Variants in CPNE8 observed in about 807,000 individuals in gnomAD.
CPNE8 encodes the protein copine-8.
A neutral mutation model predicts 81.5 loss-of-function variants in CPNE8; 45 were observed. That is an observed-to-expected ratio of 0.55 (90% CI 0.44 to 0.71). The LOEUF is 0.71. CPNE8 is among the 30% of genes least tolerant of loss of function. CPNE8 has a pLI of 0.00. For synonymous variants in CPNE8, 252 were observed against 226.3 expected (o/e 1.11, Z -1.02); for missense variants, 594 against 672.1 (o/e 0.88, Z 1.28).
rs373134526 is a variant in CPNE8 at position 38,844,696 on chromosome 12, TTCTC to T, written c.290+3859_290+3862del. 9.8e-3 allele frequency among the ~76,000 whole-genome samples: 1,489 copies of T among 152,278 alleles called. 19 individuals are homozygous for T. The highest frequency in any genetic ancestry group is 0.039 in the South Asian group (186 of 4,822). On this transcript the variant is annotated intron_variant, in intron 4 of 19. Transcript: ENST00000331366. ...GCAGAAATAAGTTGTCTCTATCTCTTTCTCTCTCTTTTTCTCTCACTGTCGTTAC... is the reference window on the plus strand; with the variant it reads ...GCAGAAATAAGTTGTCTCTATCTCTTTCTCTTTTTCTCTCACTGTCGTTAC...
chr12:38,697,383 A>C (rs1473419085), intron 14 of CPNE8, among the ~76,000 whole-genome samples: 2 of 152,164 alleles, frequency 1.3e-5, no homozygotes, highest in African/African-American at 2.4e-5. Context: ...ATAGTATTCC[A>C]TTGTATGGAT....
intron 13 of CPNE8, among the ~76,000 whole-genome samples, chr12:38,707,692 C>A (rs555846554): frequency 6.6e-6 from 1 of 152,288 alleles, no homozygotes; most frequent in South Asian, 2.1e-4. Context: ...TTGATTAATT[C>A]TTTGTCTCAT....
chr12:38,785,262 T>G (rs1163760500), intron 6 of CPNE8, among the ~76,000 whole-genome samples: 5 of 151,306 alleles, frequency 3.3e-5, no homozygotes, highest in African/African-American at 1.2e-4. Context: ...ACTGACTCAC[T>G]GATAGTAGCA....
At chr12:38,665,518 A>C (rs1371085532) in intron 19 of CPNE8, among the ~76,000 whole-genome samples, 1 of 152,044 alleles carries the variant, frequency 6.6e-6, no homozygotes, top group African/African-American at 2.4e-5. Flanking sequence ...GTTTGAATTC[A>C]TTTGGGCAAA....
At chr12:38,684,353 A>G (rs1366677801) in intron 16 of CPNE8, among the ~76,000 whole-genome samples, 1 of 152,140 alleles carries the variant, frequency 6.6e-6, no homozygotes, top group African/African-American at 2.4e-5. Flanking sequence ...ATAAAGATAA[A>G]ACAGGTAAGA....
intron 6 of CPNE8, among the ~76,000 whole-genome samples, chr12:38,809,482 C>T (rs1350951879): frequency 6.6e-6 from 1 of 152,146 alleles, no homozygotes; most frequent in East Asian, 1.9e-4. Context: ...AGCTAATTAG[C>T]ATGATTAGTA....
At chr12:38,715,562 G>A (rs375579621) in intron 13 of CPNE8, among the ~76,000 whole-genome samples, 19 of 152,010 alleles carry the variant, frequency 1.2e-4, no homozygotes, top group African/African-American at 4.3e-4. Flanking sequence ...CTCAATAGAT[G>A]CAGAAAAGGC....
chr12:38,760,948 T>G, intron 9 of CPNE8, 60 bp from the exon 10 acceptor site: 1 of 1,233,360 alleles, frequency 8.1e-7, no homozygotes, highest in Non-Finnish European at 1.1e-6. Flanking sequence ...AATGTATGGT[T>G]GAGAATTTAA....
intron 1 of CPNE8, among the ~76,000 whole-genome samples, chr12:38,900,819 G>A (rs921264131): frequency 1.3e-5 from 2 of 152,328 alleles, no homozygotes; most frequent in Admixed American, 1.3e-4. Context: ...GATGGGAGAT[G>A]AGGCAATAGA....
In CPNE8 at chr12:38,873,034, T is replaced by C. The variant is rs1454589987; in HGVS notation, c.156A>G (p.Val52=). The C allele has an allele frequency of 1.3e-6, 2 of 1,556,512 alleles. No individual in the cohort carries two copies. The highest frequency in any genetic ancestry group is 2.3e-5 in the East Asian group (1 of 44,246). ...SKSDPICVLY[V]QGVGNKEWRE... is the part of the protein sequence containing the mutation. Reference sequence around the variant, plus strand: ...TCCATTCTTTATTTCCAACTCCTTGTACATATAAGACACAAACTACAAAAG... The same window carrying C: ...TCCATTCTTTATTTCCAACTCCTTGCACATATAAGACACAAACTACAAAAG... The change falls in exon 3 of 20, where the codon GTA becomes GTG. Residue 52 remains valine (V), a synonymous_variant. Transcript: ENST00000331366.
chr12:38,800,133 C>T (rs955699738), intron 6 of CPNE8, among the ~76,000 whole-genome samples: 2 of 121,786 alleles, frequency 1.6e-5, no homozygotes, highest in Non-Finnish European at 1.9e-5. Context: ...AGCCAGGAAG[C>T]TCGAACTGGG....
intron 6 of CPNE8, among the ~76,000 whole-genome samples, chr12:38,797,414 C>A (rs532823233): frequency 6.6e-6 from 1 of 152,170 alleles, no homozygotes; most frequent in Non-Finnish European, 1.5e-5. Flanking sequence ...TCTGCAGACA[C>A]GGCTGCGGAT....
intron 6 of CPNE8, among the ~76,000 whole-genome samples, chr12:38,827,467 T>C (rs982109950): frequency 3.9e-5 from 6 of 152,184 alleles, no homozygotes; most frequent in Non-Finnish European, 7.3e-5. Context: ...AATCCCATTA[T>C]TGGGTACATA....
At chr12:38,856,223 T>C (rs1400281837) in intron 3 of CPNE8, among the ~76,000 whole-genome samples, 2 of 152,102 alleles carry the variant, frequency 1.3e-5, no homozygotes, top group Admixed American at 1.3e-4. Context: ...AAAGCAGTAA[T>C]CAAAAAGAAA....
chr12:38,722,861 T>G (rs1351366056), intron 13 of CPNE8, among the ~76,000 whole-genome samples: 1 of 152,020 alleles, frequency 6.6e-6, no homozygotes, highest in African/African-American at 2.4e-5. Flanking sequence ...ATGGGGGCAG[T>G]TTCCCCCATG....
At chr12:38,782,693 T>G (rs1050655555) in intron 6 of CPNE8, among the ~76,000 whole-genome samples, 11 of 152,080 alleles carry the variant, frequency 7.2e-5, no homozygotes, top group Non-Finnish European at 1.0e-4. Flanking sequence ...GTTTTGTTTT[T>G]TTTTTGAGAC....
intron 10 of CPNE8, among the ~76,000 whole-genome samples, chr12:38,753,184 G>A (rs1315522527): frequency 2.0e-5 from 3 of 152,156 alleles, no homozygotes; most frequent in Non-Finnish European, 4.4e-5. Flanking sequence ...GGGTGTAGTG[G>A]CTCATGCCTG....
intron 15 of CPNE8, among the ~76,000 whole-genome samples, chr12:38,693,155 C>G (rs548982626): frequency 1.1e-3 from 165 of 152,246 alleles, no homozygotes; most frequent in African/African-American, 3.8e-3. Context: ...GACATATCAG[C>G]CCCAGAAGAC....
chr12:38,830,771 C>A (rs1943274408), intron 5 of CPNE8, among the ~76,000 whole-genome samples: 1 of 152,146 alleles, frequency 6.6e-6, no homozygotes, highest in Admixed American at 6.5e-5. Context: ...TGGTGAGGAA[C>A]TAGTATTGGC....
Sources: gnomAD v4.1 joint callset for allele counts (sites outside exome capture counted in the v4.1 genomes callset) on GRCh38, gnomAD v4.1.1 for gene constraint, MANE v1.5 for transcripts, NCBI Gene and HGNC (gene_info 2026-07-23, HGNC 2026-07-21) for gene names.